Variants in NRXN1 observed in about 807,000 individuals in gnomAD.
The protein encoded by NRXN1 is neurexin-1.
Under a neutral mutation model 150.9 loss-of-function variants are expected in NRXN1, and 39 were observed. The ratio of observed to expected loss-of-function variants is 0.26; its 90% CI spans 0.20 to 0.34. The LOEUF (loss-of-function observed/expected upper bound fraction) is 0.34. Among genes scored for constraint, NRXN1 ranks in the 10% least tolerant of loss-of-function variants. NRXN1 has a pLI of 1.00. For missense variants in NRXN1, 1,815 were observed against 1,949.9 expected (o/e 0.93, Z 1.30); for synonymous variants, 924 against 757.0 (o/e 1.22, Z -3.62).
intron 8 of NRXN1, among the ~76,000 whole-genome samples, chr2:50,574,569 T>G (rs1215689915): frequency 6.6e-6 from 1 of 152,170 alleles, no homozygotes; most frequent in Non-Finnish European, 1.5e-5. Flanking sequence ...AACATCACTT[T>G]GCTCCAGCTC....
chr2:50,458,796 G>A (rs754424946), intron 17 of NRXN1, among the ~76,000 whole-genome samples: 2 of 151,972 alleles, frequency 1.3e-5, no homozygotes, highest in Non-Finnish European at 2.9e-5. Context: ...TGGCCAGGAT[G>A]GTCTCGAACT....
chr2:50,074,035 T>A (rs1212122394), intron 19 of NRXN1, among the ~76,000 whole-genome samples: 1 of 152,132 alleles, frequency 6.6e-6, no homozygotes, highest in Admixed American at 6.6e-5. Context: ...GCTGTGCCAA[T>A]TAATGACACA....
intron 21 of NRXN1, among the ~76,000 whole-genome samples, chr2:50,049,880 A>C (rs1692422153): frequency 6.6e-6 from 1 of 152,098 alleles, no homozygotes; most frequent in Admixed American, 6.6e-5. Flanking sequence ...TTTTGTGAAT[A>C]TTTGCTTTCT....
intron 5 of NRXN1, among the ~76,000 whole-genome samples, chr2:50,694,426 C>G (rs1034408982): frequency 2.6e-5 from 4 of 152,118 alleles, no homozygotes; most frequent in African/African-American, 9.7e-5. Flanking sequence ...AAGCTGTATA[C>G]TATAAAAAAC....
At chr2:50,686,324 T>TA (rs1691225114) in intron 5 of NRXN1, among the ~76,000 whole-genome samples, 1 of 152,078 alleles carries the variant, frequency 6.6e-6, no homozygotes, top group Admixed American at 6.6e-5. Flanking sequence ...CAGTTTCTCA[T>TA]AAAAAACAGT....
Position 50,621,198 on chromosome 2 carries a change from T to C in NRXN1, c.1158+28A>G, listed in dbSNP as rs1306908488. ...CCAAAATAAGAAACAATTAGAATGA[T>C]ATCTACCGAACAATGTAGTTTGTTT... On this transcript the variant is annotated intron_variant, in intron 7 of 22. Transcript: ENST00000401669. The C allele has an allele frequency of 3.2e-6, 5 of 1,552,714 alleles. No individual in the cohort carries two copies. The African/African-American group carries it at 4.1e-5, about 13-fold the overall frequency.
intron 17 of NRXN1, among the ~76,000 whole-genome samples, chr2:50,287,457 T>G (rs1489413432): frequency 6.6e-6 from 1 of 152,158 alleles, no homozygotes; most frequent in Non-Finnish European, 1.5e-5. Flanking sequence ...TGCTTTTGTT[T>G]TTTAGATATA....
intron 18 of NRXN1, among the ~76,000 whole-genome samples, chr2:50,189,098 CAAAG>C (rs1410623743): frequency 6.6e-6 from 1 of 152,102 alleles, no homozygotes; most frequent in Admixed American, 6.6e-5. Flanking sequence ...TTCACAATAG[CAAAG>C]ACTTGGAACC....
At chr2:50,164,689 C>G (rs1350334675) in intron 18 of NRXN1, among the ~76,000 whole-genome samples, 1 of 152,038 alleles carries the variant, frequency 6.6e-6, no homozygotes, top group Non-Finnish European at 1.5e-5. Context: ...CAATAGCAAC[C>G]CCCACCGCCT....
intron 15 of NRXN1, among the ~76,000 whole-genome samples, chr2:50,484,124 T>A (rs375633714): frequency 6.6e-6 from 1 of 152,182 alleles, no homozygotes; most frequent in East Asian, 1.9e-4. Flanking sequence ...CCACCAGTGG[T>A]TTTCTGTGTA....
chr2:50,037,878 C>T lies in NRXN1; in HGVS notation c.4128+15393G>A, dbSNP rs149535699. Among the ~76,000 whole-genome samples the T allele has an allele frequency of 1.2e-3, 176 of 152,270 alleles. 2 individuals carry two copies. The highest frequency in any genetic ancestry group is 1.5e-3 in the South Asian group (7 of 4,824). ...CTAGAAATATCAGAATTCAGAAACA[C>T]TGACTCCAATGCATTGTTTTTTTCA... On this transcript the variant is annotated intron_variant, in intron 21 of 22. Transcript: ENST00000401669.
chr2:50,567,831 CAG>C (rs1039173835), intron 8 of NRXN1, among the ~76,000 whole-genome samples: 13 of 152,086 alleles, frequency 8.5e-5, no homozygotes, highest in African/African-American at 1.9e-4. Flanking sequence ...ATGACGAACA[CAG>C]AGTGTTTAGT....
At chr2:50,237,930 C>T (rs1403286974) in intron 17 of NRXN1, among the ~76,000 whole-genome samples, 1 of 151,918 alleles carries the variant, frequency 6.6e-6, no homozygotes, top group Non-Finnish European at 1.5e-5. Context: ...CTAACAAGAT[C>T]TGATGGTTTT....
intron 2 of NRXN1, among the ~76,000 whole-genome samples, chr2:51,014,915 T>C (rs564854871): frequency 2.0e-5 from 3 of 152,068 alleles, no homozygotes; most frequent in South Asian, 4.1e-4. Flanking sequence ...GCAGGAAAAA[T>C]TCCAATGATA....
chr2:50,607,949 A>C (rs1677402321), intron 8 of NRXN1, among the ~76,000 whole-genome samples: 1 of 152,020 alleles, frequency 6.6e-6, no homozygotes, highest in South Asian at 2.1e-4. Context: ...CTCATGGCTC[A>C]TCTGCCCTCA....
chr2:50,074,110 T>A (rs1273089261), intron 19 of NRXN1, among the ~76,000 whole-genome samples: 1 of 152,106 alleles, frequency 6.6e-6, no homozygotes, highest in Non-Finnish European at 1.5e-5. Context: ...GGTTGCCAGA[T>A]TTTTTGAGGA....
intron 18 of NRXN1, among the ~76,000 whole-genome samples, chr2:50,185,131 C>G (rs990166618): frequency 2.6e-5 from 4 of 152,052 alleles, no homozygotes; most frequent in African/African-American, 4.8e-5. Flanking sequence ...AATGATCTCA[C>G]CAGCTAATCC....
chr2:50,989,729 T>C (rs895157190), intron 2 of NRXN1, among the ~76,000 whole-genome samples: 1 of 152,138 alleles, frequency 6.6e-6, no homozygotes, highest in Admixed American at 6.6e-5. Context: ...TTTCTAAAAT[T>C]TATCAATTAT....
chr2:50,167,956 T>C (rs924147549), intron 18 of NRXN1, among the ~76,000 whole-genome samples: 5 of 152,192 alleles, frequency 3.3e-5, no homozygotes, highest in African/African-American at 1.2e-4. Flanking sequence ...TGAAGTAAAA[T>C]ATCCATGCAT....
Sources: allele counts gnomAD v4.1 joint callset (sites outside exome capture counted in the v4.1 genomes callset), GRCh38; gene constraint gnomAD v4.1.1; transcripts MANE v1.5; gene names NCBI Gene and HGNC (gene_info 2026-07-23, HGNC 2026-07-21).